TASP1: variants seen among roughly 807,000 people sequenced by gnomAD.
TASP1 encodes the protein threonine aspartase 1.
In TASP1, 16 loss-of-function variants were observed where a neutral mutation model predicts 56.6. The observed-to-expected ratio is 0.28, with a 90% confidence interval of 0.19 to 0.43. The LOEUF is 0.43. TASP1 is among the 20% of genes least tolerant of loss of function. The pLI is 1.00. For synonymous variants in TASP1, 179 were observed against 184.2 expected, an observed-to-expected ratio of 0.97 and a Z score of 0.23; for missense variants, 393 against 511.6, an observed-to-expected ratio of 0.77 and a Z score of 2.24.
At chr20:13,429,218 C>T (rs2042718298) in intron 12 of TASP1, among the ~76,000 whole-genome samples, 1 of 152,172 alleles carries the variant, frequency 6.6e-6, no homozygotes, top group South Asian at 2.1e-4. Flanking sequence ...TAACAGAGCA[C>T]AAGGAAAGAG....
rs111956845 is a variant in TASP1 at position 13,454,090 on chromosome 20, T to C, written c.986-18936A>G. On this transcript the variant is annotated intron_variant, in intron 11 of 13. Transcript: ENST00000337743. ...AAAAAAAAAAACAAGGAGGCCAGTG[T>C]CCTGAGCAAGAAAGTGACCTGGGAT... Among the ~76,000 whole-genome samples the C allele has an allele frequency of 4.4e-3, 662 of 150,470 alleles. 2 individuals are homozygous for C. The highest frequency in any genetic ancestry group is 7.6e-3 in the Non-Finnish European group (514 of 67,708).
At chr20:13,417,099 A>G (rs1415581935) in intron 13 of TASP1, among the ~76,000 whole-genome samples, 1 of 152,180 alleles carries the variant, frequency 6.6e-6, no homozygotes, top group African/African-American at 2.4e-5. Context: ...TTGCAGAAAC[A>G]TCCATCTATG....
At chr20:13,548,926 A>C (rs921609334) in intron 8 of TASP1, among the ~76,000 whole-genome samples, 9 of 152,178 alleles carry the variant, frequency 5.9e-5, no homozygotes, top group African/African-American at 1.9e-4. Context: ...AAGTCCCCAG[A>C]TGAATCTAAT....
the TASP1 span, among the ~76,000 whole-genome samples, chr20:13,129,620 C>T: frequency 5.9e-5 from 9 of 152,228 alleles, no homozygotes; most frequent in Non-Finnish European, 1.2e-4. Flanking sequence ...TTTCCGGAGT[C>T]CTTTGGTCTA....
At chr20:13,270,463 T>C in the TASP1 span, 2 of 1,572,048 alleles carry the variant, frequency 1.3e-6, no homozygotes, top group South Asian at 1.2e-5. Context: ...TTTTTAATCA[T>C]GTGTCTCCTT....
chr20:13,508,905 C>T (rs1397861182), intron 10 of TASP1, among the ~76,000 whole-genome samples: 1 of 152,132 alleles, frequency 6.6e-6, no homozygotes, highest in Non-Finnish European at 1.5e-5. Context: ...TAAATTAGTA[C>T]AGCCATTCTG....
chr20:13,558,905 C>T, intron 8 of TASP1, 103 bp downstream of exon 8: 1 of 619,082 alleles, frequency 1.6e-6, no homozygotes, highest in Non-Finnish European at 2.6e-6. Context: ...ATATGTGACA[C>T]ACATTCTATT....
At chr20:13,490,712 A>C in intron 10 of TASP1, among the ~76,000 whole-genome samples, 1 of 150,624 alleles carries the variant, frequency 6.6e-6, no homozygotes, top group South Asian at 2.1e-4. Flanking sequence ...ACACACCCCT[A>C]CCTTAAGGCC....
At chr20:13,297,673 A>G in the TASP1 span, among the ~76,000 whole-genome samples, 3 of 152,212 alleles carry the variant, frequency 2.0e-5, no homozygotes, top group Admixed American at 1.3e-4. Context: ...TCACAGGATC[A>G]GTTGTTCCCA....
intron 8 of TASP1, among the ~76,000 whole-genome samples, chr20:13,543,035 G>C (rs2146957979): frequency 6.6e-6 from 1 of 152,296 alleles, no homozygotes; most frequent in Middle Eastern, 3.4e-3. Context: ...AGTTGGTTCT[G>C]TGAGAAAATA....
At chr20:13,191,038 C>A in the TASP1 span, among the ~76,000 whole-genome samples, 1 of 152,064 alleles carries the variant, frequency 6.6e-6, no homozygotes, top group Non-Finnish European at 1.5e-5. Context: ...ATTAAAACCA[C>A]AGTGAAATAT....
chr20:13,380,828 C>T, the TASP1 span, among the ~76,000 whole-genome samples: 49 of 152,258 alleles, frequency 3.2e-4, no homozygotes, highest in South Asian at 6.2e-4. Context: ...TGCAGAGCTG[C>T]GGTGGACCCT....
intron 13 of TASP1, among the ~76,000 whole-genome samples, chr20:13,408,405 G>A (rs991518043): frequency 6.6e-6 from 1 of 152,138 alleles, no homozygotes; most frequent in African/African-American, 2.4e-5. Flanking sequence ...TCATTCCAAA[G>A]TAATAACTTA....
chr20:13,105,069 C>T, the TASP1 span, among the ~76,000 whole-genome samples: 1 of 152,090 alleles, frequency 6.6e-6, no homozygotes, highest in African/African-American at 2.4e-5. Flanking sequence ...TCCCATAAGG[C>T]CTACAGAACA....
the TASP1 span, among the ~76,000 whole-genome samples, chr20:13,169,445 G>A: frequency 6.6e-6 from 1 of 152,122 alleles, no homozygotes; most frequent in Non-Finnish European, 1.5e-5. Flanking sequence ...ATTGGAAAGA[G>A]GAAGAATTTG....
chr20:13,496,847 A>C (rs1180793079), intron 10 of TASP1, among the ~76,000 whole-genome samples: 1 of 152,196 alleles, frequency 6.6e-6, no homozygotes, highest in African/African-American at 2.4e-5. Context: ...GGGTTTTTTA[A>C]CGAAAATGCA....
chr20:13,272,231 C>T, the TASP1 span, among the ~76,000 whole-genome samples: 4 of 152,320 alleles, frequency 2.6e-5, no homozygotes, highest in East Asian at 1.9e-4. Flanking sequence ...AACTGCCTCT[C>T]TCTCCACAGA....
At chr20:13,583,083 G>C (rs745802013) in intron 5 of TASP1, among the ~76,000 whole-genome samples, 3 of 152,194 alleles carry the variant, frequency 2.0e-5, no homozygotes, top group Non-Finnish European at 2.9e-5. Flanking sequence ...GCTCCAGAAA[G>C]AATGAGACCA....
chr20:13,371,405 T>C, the TASP1 span, among the ~76,000 whole-genome samples: 2 of 152,210 alleles, frequency 1.3e-5, no homozygotes, highest in African/African-American at 2.4e-5. Flanking sequence ...TCTGCTTTTA[T>C]CTTAGACCTG....
Sources: allele counts gnomAD v4.1 joint callset (sites outside exome capture counted in the v4.1 genomes callset), GRCh38; gene constraint gnomAD v4.1.1; transcripts MANE v1.5; gene names NCBI Gene and HGNC (gene_info 2026-07-23, HGNC 2026-07-21).